RTF1: variants seen among roughly 807,000 people sequenced by gnomAD.
RTF1 encodes the protein RNA polymerase-associated protein RTF1 homolog.
RTF1 carries 10 observed loss-of-function variants against 95.7 expected under a neutral mutation model. That is an observed-to-expected ratio of 0.10 (90% CI 0.06 to 0.18). The LOEUF is 0.18. Ranked by LOEUF, RTF1 falls within the 10% of genes least tolerant of loss-of-function variation. The probability of loss-of-function intolerance (pLI) is 1.00; values close to 1 mark genes in which losing one functional copy is unlikely to be tolerated. For missense variants in RTF1, 458 were observed against 875.6 expected (o/e 0.52, Z 6.02); for synonymous variants, 305 against 311.8 (o/e 0.98, Z 0.23).
intron 2 of RTF1, among the ~76,000 whole-genome samples, chr15:41,446,474 G>A (rs1265156706): frequency 2.0e-5 from 3 of 152,066 alleles, no homozygotes; most frequent in African/African-American, 7.2e-5. Flanking sequence ...GCTGAGGCAG[G>A]AGAATCGCTT....
intron 2 of RTF1, among the ~76,000 whole-genome samples, chr15:41,451,161 TTCTCATCCTA>T (rs2050787815): frequency 6.6e-6 from 1 of 152,168 alleles, no homozygotes; most frequent in African/African-American, 2.4e-5. Context: ...GGAGGTTAAT[TTCTCATCCTA>T]TTATAGAAGG....
intron 7 of RTF1, among the ~76,000 whole-genome samples, chr15:41,470,641 A>G (rs898697789): frequency 1.5e-5 from 2 of 134,112 alleles, no homozygotes; most frequent in African/African-American, 5.5e-5. Context: ...TGGAGCTTTC[A>G]TTCATTTTCT....
intron 1 of RTF1, among the ~76,000 whole-genome samples, chr15:41,423,031 CAA>C (rs528726638): frequency 7.6e-4 from 116 of 152,284 alleles, no homozygotes; most frequent in African/African-American, 2.7e-3. Flanking sequence ...CTCGGCCTCC[CAA>C]AGTGTTGGGA....
At chr15:41,475,128 G>A (rs2050936160) in intron 9 of RTF1, among the ~76,000 whole-genome samples, 1 of 152,186 alleles carries the variant, frequency 6.6e-6, no homozygotes, top group African/African-American at 2.4e-5. Context: ...CGAATGTACA[G>A]TGTGCCAGGC....
intron 1 of RTF1, among the ~76,000 whole-genome samples, chr15:41,429,448 TTCTC>T (rs532855515): frequency 4.6e-5 from 7 of 151,238 alleles, no homozygotes; most frequent in East Asian, 3.9e-4. Flanking sequence ...TTTTTTTTTT[TTCTC>T]TCTCTCTCTC....
chr15:41,477,538 AC>A (rs1267666232), intron 14 of RTF1, 23 bp downstream of exon 14: 1 of 1,599,422 alleles, frequency 6.3e-7, no homozygotes, highest in Non-Finnish European at 8.6e-7. Flanking sequence ...TATCTGAATC[AC>A]TAAAACAAAG....
rs780061563 is a variant in RTF1 at position 41,470,239 on chromosome 15, TCTC to T, written c.890-17_890-15del. On this transcript the variant is annotated splice_polypyrimidine_tract_variant and intron_variant, in intron 6 of 17. Transcript: ENST00000389629. ...CTTGTTGAGAAAACCTAGGTAAACA[TCTC>T]TTCTTTCTTTCTAGCTGAGCTCCTT... The T allele has an allele frequency of 1.9e-6, 3 of 1,605,742 alleles. No individual in the cohort carries two copies. The highest frequency in any genetic ancestry group is 1.3e-5 in the African/African-American group (1 of 74,430).
chr15:41,477,139 G>T (rs770961684), intron 12 of RTF1, 26 bp from the exon 13 acceptor site: 2 of 1,614,016 alleles, frequency 1.2e-6, no homozygotes. Context: ...AGCCAAGAAC[G>T]AACTCACACA....
At chr15:41,429,382 C>T (rs1388628376) in intron 1 of RTF1, among the ~76,000 whole-genome samples, 2 of 151,906 alleles carry the variant, frequency 1.3e-5, no homozygotes, top group Non-Finnish European at 2.9e-5. Context: ...TCTGAGTCCT[C>T]TCTGTACTTC....
At chr15:41,465,000 T>A (rs2050873143) in intron 5 of RTF1, 115 bp downstream of exon 5, 4 of 1,365,402 alleles carry the variant, frequency 2.9e-6, no homozygotes, top group Middle Eastern at 2.8e-4. Context: ...AGCCTAAGTT[T>A]ATAAGACTTG....
intron 2 of RTF1, chr15:41,448,826 G>A (rs1294325318): frequency 1.3e-5 from 2 of 152,054 alleles, no homozygotes; most frequent in Non-Finnish European, 2.9e-5. Context: ...TTTTAGATAT[G>A]TGCTGCTGAA....
chr15:41,457,573 C>A, intron 3 of RTF1, 99 bp from the exon 4 acceptor site: 1 of 1,019,472 alleles, frequency 9.8e-7, no homozygotes, highest in Non-Finnish European at 1.5e-6. Context: ...TGGTTTCTTA[C>A]TGTAGCTGAA....
intron 2 of RTF1, 63 bp downstream of exon 2, chr15:41,438,494 C>T: frequency 4.7e-6 from 5 of 1,066,954 alleles, no homozygotes; most frequent in Non-Finnish European, 6.8e-6. Flanking sequence ...GCTTTGGTGG[C>T]TCCTGTTGGC....
intron 1 of RTF1, among the ~76,000 whole-genome samples, chr15:41,428,376 T>TC (rs202114565): frequency 0.017 from 2,397 of 143,010 alleles, 78 homozygotes; most frequent in African/African-American, 0.059. Context: ...CACACCATTC[T>TC]CCCGCCTCAG....
At chr15:41,426,226 C>T (rs1010158323) in intron 1 of RTF1, among the ~76,000 whole-genome samples, 2 of 151,894 alleles carry the variant, frequency 1.3e-5, no homozygotes, top group East Asian at 1.9e-4. Context: ...TGGGTTCAAG[C>T]GATTCTCGTG....
At chr15:41,475,119 G>A (rs959039189) in intron 9 of RTF1, among the ~76,000 whole-genome samples, 4 of 152,094 alleles carry the variant, frequency 2.6e-5, no homozygotes, top group African/African-American at 9.7e-5. Flanking sequence ...AATATTTACC[G>A]AATGTACAGT....
chr15:41,461,998 G>A (rs2050851933), intron 4 of RTF1, among the ~76,000 whole-genome samples: 1 of 147,560 alleles, frequency 6.8e-6, no homozygotes, highest in Non-Finnish European at 1.5e-5. Context: ...CAAGCAATTC[G>A]TCCACCTCGG....
intron 4 of RTF1, 66 bp downstream of exon 4, chr15:41,457,942 C>T (rs2050827622): frequency 2.4e-6 from 3 of 1,256,774 alleles, no homozygotes; most frequent in Admixed American, 4.0e-5. Context: ...TTTTCTCATA[C>T]TTCCCTGTCC....
chr15:41,422,121 A>G (rs2050605771), intron 1 of RTF1, among the ~76,000 whole-genome samples: 1 of 151,676 alleles, frequency 6.6e-6, no homozygotes, highest in African/African-American at 2.4e-5. Flanking sequence ...TGCACCTTCC[A>G]CCTCCTGGGT....
Sources: gnomAD v4.1 joint callset for allele counts (sites outside exome capture counted in the v4.1 genomes callset) on GRCh38, gnomAD v4.1.1 for gene constraint, MANE v1.5 for transcripts, NCBI Gene and HGNC (gene_info 2026-07-23, HGNC 2026-07-21) for gene names.